Variants in ACTN1 observed in about 807,000 individuals in gnomAD.
ACTN1 encodes the protein actinin alpha 1.
A neutral mutation model predicts 119.6 loss-of-function variants in ACTN1; 30 were observed. The observed-to-expected ratio is 0.25, with a 90% CI of 0.19 to 0.34. The LOEUF is 0.34. ACTN1 is among the 10% of genes least tolerant of loss of function. The pLI, the probability that ACTN1 is intolerant of heterozygous loss-of-function variation, is 1.00. For missense variants in ACTN1, 764 were observed against 1,223.4 expected (o/e 0.62, Z 5.60); for synonymous variants, 429 against 472.6 (o/e 0.91, Z 1.20).
chr14:68,923,762 A>G, intron 2 of ACTN1, among the ~76,000 whole-genome samples: 1 of 152,244 alleles, frequency 6.6e-6, no homozygotes, highest in East Asian at 1.9e-4. Flanking sequence ...GGAATATACA[A>G]AAAAAGAACT....
chr14:68,894,348 G>T (rs1468360263), intron 8 of ACTN1, among the ~76,000 whole-genome samples: 1 of 152,160 alleles, frequency 6.6e-6, no homozygotes, highest in African/African-American at 2.4e-5. Context: ...AACCAAGTAT[G>T]GGCTCAATGC....
At chr14:68,972,171 C>A (rs1183509723) in intron 1 of ACTN1, among the ~76,000 whole-genome samples, 1 of 152,170 alleles carries the variant, frequency 6.6e-6, no homozygotes, top group Non-Finnish European at 1.5e-5. Flanking sequence ...CTCCCCAACC[C>A]ACCCAGTCTT....
At chr14:68,948,939 G>A (rs774519727) in intron 1 of ACTN1, among the ~76,000 whole-genome samples, 29 of 152,324 alleles carry the variant, frequency 1.9e-4, no homozygotes, top group Middle Eastern at 3.4e-3. Context: ...AATGAAGCTC[G>A]AACCAGTGAG....
chr14:68,945,321 G>A (rs1163275187), intron 1 of ACTN1, among the ~76,000 whole-genome samples: 1 of 151,964 alleles, frequency 6.6e-6, no homozygotes, highest in African/African-American at 2.4e-5. Context: ...CCAGAGACTG[G>A]AGATCAACTA....
At chr14:68,897,357 T>C (rs1030180107) in intron 8 of ACTN1, among the ~76,000 whole-genome samples, 2 of 151,738 alleles carry the variant, frequency 1.3e-5, no homozygotes, top group African/African-American at 4.8e-5. Flanking sequence ...CTTTGTTGTA[T>C]ATTCAAGAGT....
chr14:68,889,783 C>CAA (rs377262396), intron 11 of ACTN1, among the ~76,000 whole-genome samples: 3,560 of 150,958 alleles, frequency 0.024, 132 homozygotes, highest in African/African-American at 0.081. Flanking sequence ...AATTCCATCT[C>CAA]AAAAAAAAAC....
At chr14:68,929,358 G>A (rs3825733) in intron 1 of ACTN1, among the ~76,000 whole-genome samples, 23,352 of 152,016 alleles carry the variant, frequency 0.15, 2,850 homozygotes, top group East Asian at 0.65. Context: ...AGAGACCCAC[G>A]GCCCCAAGAC....
intron 1 of ACTN1, among the ~76,000 whole-genome samples, chr14:68,960,476 T>G (rs1477868234): frequency 6.6e-6 from 1 of 152,186 alleles, no homozygotes; most frequent in African/African-American, 2.4e-5. Context: ...GAAATATATA[T>G]AATTTAAAAT....
chr14:68,950,750 A>G (rs573405022), intron 1 of ACTN1, among the ~76,000 whole-genome samples: 2 of 152,020 alleles, frequency 1.3e-5, no homozygotes, highest in South Asian at 4.2e-4. Context: ...TTTAGTAGAG[A>G]CATGGTTTCA....
intron 8 of ACTN1, among the ~76,000 whole-genome samples, chr14:68,901,279 ACT>A (rs1420778620): frequency 1.7e-5 from 2 of 116,214 alleles, no homozygotes; most frequent in Non-Finnish European, 3.3e-5. Flanking sequence ...ACAGAGTCTG[ACT>A]CTGTCACCCA....
Position 68,874,785 on chromosome 14 carries a change from G to A in ACTN1, c.*74C>T, listed in dbSNP as rs2030648103. The A allele has an allele frequency of 1.4e-6, 2 of 1,409,662 alleles. No homozygotes were observed. The highest frequency in any genetic ancestry group is 9.3e-7 in the Non-Finnish European group (1 of 1,073,124). The allele number at this position is 1,409,662 out of a possible 1,614,324, so 87.3% of individuals were successfully genotyped here. On this transcript the variant is annotated 3_prime_UTR_variant, in exon 22 of 22. Coordinates refer to ENST00000394419, the MANE Select transcript of ACTN1 (RefSeq NM_001130004.2). The stretch of plus-strand genomic sequence containing the variant: ...AGGCTGGGAGCTGAAACCGAACCCA[G>A]GCAGGAGATGGGCGACGGCGGAGGT...
intron 6 of ACTN1, among the ~76,000 whole-genome samples, chr14:68,907,687 C>A (rs922238536): frequency 1.3e-5 from 2 of 152,210 alleles, no homozygotes; most frequent in African/African-American, 4.8e-5. Context: ...AGAGTGCTAA[C>A]TGGGTATCAG....
At chr14:68,945,486 C>A (rs970734509) in intron 1 of ACTN1, among the ~76,000 whole-genome samples, 6 of 152,174 alleles carry the variant, frequency 3.9e-5, no homozygotes, top group African/African-American at 1.4e-4. Flanking sequence ...CATAATTCCA[C>A]CTGCATCTTA....
At chr14:68,975,915 C>T (rs2037044382) in intron 1 of ACTN1, among the ~76,000 whole-genome samples, 1 of 152,196 alleles carries the variant, frequency 6.6e-6, no homozygotes, top group Admixed American at 6.5e-5. Flanking sequence ...GCCATACTTT[C>T]ACCAAGGAAG....
At chr14:68,946,195 TCAC>T (rs1442133547) in intron 1 of ACTN1, among the ~76,000 whole-genome samples, 3 of 151,934 alleles carry the variant, frequency 2.0e-5, no homozygotes, top group Non-Finnish European at 4.4e-5. Context: ...CCAGCCCACC[TCAC>T]CACCACCAAT....
intron 8 of ACTN1, among the ~76,000 whole-genome samples, chr14:68,897,052 G>A (rs71423333): frequency 6.6e-6 from 1 of 152,052 alleles, no homozygotes; most frequent in Non-Finnish European, 1.5e-5. Context: ...GCACAATCTC[G>A]GCTCACTGCA....
intron 10 of ACTN1, 25 bp downstream of exon 10, chr14:68,892,028 G>T: frequency 6.2e-7 from 1 of 1,610,108 alleles, no homozygotes; most frequent in Admixed American, 1.7e-5. Context: ...CAGTCTGGGG[G>T]CCCAGGCTCA....
At chr14:68,904,211 G>A (rs2033524092) in intron 7 of ACTN1, among the ~76,000 whole-genome samples, 1 of 151,994 alleles carries the variant, frequency 6.6e-6, no homozygotes, top group Non-Finnish European at 1.5e-5. Context: ...ACCATGCCCA[G>A]CCAGCCCCAG....
At chr14:68,935,018 G>C (rs890503207) in intron 1 of ACTN1, among the ~76,000 whole-genome samples, 2 of 152,062 alleles carry the variant, frequency 1.3e-5, no homozygotes, top group African/African-American at 4.8e-5. Context: ...GTTGGTTGTG[G>C]GCTTTGTTTT....
Sources: allele counts gnomAD v4.1 joint callset (sites outside exome capture counted in the v4.1 genomes callset), GRCh38; gene constraint gnomAD v4.1.1; transcripts MANE v1.5; gene names NCBI Gene and HGNC (gene_info 2026-07-23, HGNC 2026-07-21).